The following ELL2 variants were observed in gnomAD, a reference collection of about 807,000 sequenced individuals.
ELL2 encodes the protein RNA polymerase II elongation factor ELL2.
A neutral mutation model predicts 72.8 loss-of-function variants in ELL2; 21 were observed. The observed-to-expected ratio is 0.29, with a 90% confidence interval of 0.20 to 0.42. The LOEUF (loss-of-function observed/expected upper bound fraction) is 0.42. ELL2 is among the 10% of genes least tolerant of loss of function. ELL2 has a pLI of 1.00. For synonymous variants in ELL2, 266 were observed against 283.2 expected, an observed-to-expected ratio of 0.94 and a Z score of 0.61; for missense variants, 568 against 772.8, an observed-to-expected ratio of 0.73 and a Z score of 3.14.
chr5:95,940,281 A>G (rs1215447870), intron 2 of ELL2, among the ~76,000 whole-genome samples: 1 of 152,240 alleles, frequency 6.6e-6, no homozygotes, highest in Admixed American at 6.5e-5. Context: ...GACTTTCAGA[A>G]TTTCTACTCT....
At chr5:95,906,859 T>C in intron 4 of ELL2, 77 bp from the exon 5 acceptor site, 1 of 1,378,490 alleles carries the variant, frequency 7.3e-7, no homozygotes, top group Middle Eastern at 1.9e-4. Flanking sequence ...CAATTCTGAT[T>C]TAGGTACCTC....
rs544392198 is a variant in ELL2, at chr5:95,889,196, T to A, written c.1762-66A>T. On this transcript the variant is annotated intron_variant, in intron 10 of 11. Coordinates refer to ENST00000237853, the MANE Select transcript of ELL2 (RefSeq NM_012081.6). ...TTTTGTGTGTGGCAATACAAATAGA[T>A]AACATGCATTCAGCAAGAGTATAGG... 1,783 of 1,229,240 alleles carry A rather than the reference T, an allele frequency of 1.5e-3. 2 individuals carry two copies. Among genetic ancestry groups the A allele is most frequent in the Non-Finnish European group, 2.0e-3 (1,694 of 854,844 alleles). The allele number at this position is 1,229,240 out of a possible 1,614,324, so 76.1% of individuals were successfully genotyped here.
rs200321718 is a variant in ELL2 at position 95,900,980 on chromosome 5, C to T, written c.842G>A (p.Arg281Gln). The change falls in exon 6 of 12, where the codon CGG (arginine) becomes CAG (glutamine). Residue 281 changes from arginine to glutamine, a missense_variant. This residue lies in a region of ELL2 where 511 missense variants were observed against 728.4 expected (regional missense o/e 0.70). Transcript: ENST00000237853. ...DWPGYSEIDR[R>Q]SLESVLSRKL... ...CCTAGAGAGCACTGACTCCAATGAC[C>T]GTCTGTCTATTTCACTGTATCCAGG... 9 of 1,611,138 alleles carry T rather than the reference C, an allele frequency of 5.6e-6. No homozygotes were observed. The highest frequency in any genetic ancestry group is 4.5e-5 in the East Asian group (2 of 44,830).
At chr5:95,899,898 T>A (rs1019246464) in intron 7 of ELL2, among the ~76,000 whole-genome samples, 1 of 152,194 alleles carries the variant, frequency 6.6e-6, no homozygotes, top group African/African-American at 2.4e-5. Flanking sequence ...AATAAGTTTC[T>A]AATATTTTCT....
At chr5:95,920,740 T>A (rs1363417460) in intron 2 of ELL2, among the ~76,000 whole-genome samples, 2 of 152,122 alleles carry the variant, frequency 1.3e-5, no homozygotes, top group Non-Finnish European at 2.9e-5. Flanking sequence ...TGGGTCTGCA[T>A]GGTGTTAGGT....
intron 4 of ELL2, among the ~76,000 whole-genome samples, chr5:95,907,296 A>ATATAT: frequency 3.4e-5 from 4 of 116,494 alleles, no homozygotes; most frequent in South Asian, 3.1e-4. Context: ...ATATATATAT[A>ATATAT]TTTTTTTTTT....
intron 4 of ELL2, among the ~76,000 whole-genome samples, chr5:95,907,038 C>CTA (rs1226763224): frequency 2.2e-4 from 34 of 152,040 alleles, no homozygotes; most frequent in African/African-American, 7.7e-4. Context: ...GGTCATTTTG[C>CTA]TACAGAAAGA....
At chr5:95,954,291 C>A (rs796633286) in intron 1 of ELL2, among the ~76,000 whole-genome samples, 3 of 152,266 alleles carry the variant, frequency 2.0e-5, no homozygotes, top group African/African-American at 7.2e-5. Flanking sequence ...CCCAACTCCA[C>A]TCTCCCAACT....
Position 95,889,082 on chromosome 5 carries a change from C to T in ELL2, c.1806+4G>A. ...GTCAGAAAATCAACAGTGATGATAC[C>T]TACCTGCTTTATCTTCTGATATTCT... On this transcript the variant is annotated splice_donor_region_variant and intron_variant, in intron 11 of 11. Coordinates refer to ENST00000237853, the MANE Select transcript of ELL2 (RefSeq NM_012081.6). 6.2e-7 allele frequency: 1 copy of T among 1,610,214 alleles called. No homozygotes were observed. Among genetic ancestry groups the T allele is most frequent in the Non-Finnish European group, 8.5e-7 (1 of 1,178,308 alleles).
chr5:95,942,675 G>A (rs950276382), intron 2 of ELL2, among the ~76,000 whole-genome samples: 9 of 151,988 alleles, frequency 5.9e-5, no homozygotes, highest in Admixed American at 2.6e-4. Context: ...AAATAATCCC[G>A]TATGGATGTT....
chr5:95,951,194 C>A (rs913927643), intron 1 of ELL2, among the ~76,000 whole-genome samples: 2 of 151,048 alleles, frequency 1.3e-5, no homozygotes, highest in Admixed American at 6.6e-5. Flanking sequence ...ATGGTGAAAC[C>A]CTGTTTCTAC....
intron 10 of ELL2, among the ~76,000 whole-genome samples, chr5:95,889,779 T>C (rs1748589916): frequency 6.6e-6 from 1 of 151,800 alleles, no homozygotes; most frequent in African/African-American, 2.4e-5. Flanking sequence ...TGTAGATATG[T>C]ACATACATTT....
At chr5:95,916,998 C>T (rs897710029) in intron 3 of ELL2, among the ~76,000 whole-genome samples, 6 of 152,182 alleles carry the variant, frequency 3.9e-5, no homozygotes, top group African/African-American at 1.2e-4. Flanking sequence ...CGGAGCTAAA[C>T]GCTGTAGGCA....
chr5:95,907,639 T>C (rs1749427273), intron 4 of ELL2, among the ~76,000 whole-genome samples: 1 of 152,116 alleles, frequency 6.6e-6, no homozygotes, highest in Non-Finnish European at 1.5e-5. Flanking sequence ...CCAGCAACCG[T>C]TCCTTGCTGA....
chr5:95,900,977 G>T lies in ELL2; in HGVS notation c.845C>A (p.Ser282Ter). Residue 282 changes from serine to a stop codon, truncating the protein, a stop_gained, in exon 6 of 12, where the codon TCA (serine) becomes TAA (stop). Coordinates refer to ENST00000237853, the MANE Select transcript of ELL2 (RefSeq NM_012081.6). LOFTEE classifies it high-confidence loss of function. Reference protein sequence around the residue: ...WPGYSEIDRRSLESVLSRKLN... With the variant: ...WPGYSEIDRR ...TCACCTAGAGAGCACTGACTCCAAT[G>T]ACCGTCTGTCTATTTCACTGTATCC... 1 of 1,607,776 alleles carries T rather than the reference G, an allele frequency of 6.2e-7. No homozygotes were observed. The highest frequency in any genetic ancestry group is 1.1e-5 in the South Asian group (1 of 89,264).
At chr5:95,951,241 C>T (rs1485344128) in intron 1 of ELL2, among the ~76,000 whole-genome samples, 13 of 151,706 alleles carry the variant, frequency 8.6e-5, no homozygotes, top group Admixed American at 4.6e-4. Context: ...TGGTGGTGGG[C>T]GCCTGTAGCC....
At chr5:95,922,466 A>C (rs1483348137) in intron 2 of ELL2, among the ~76,000 whole-genome samples, 1 of 152,230 alleles carries the variant, frequency 6.6e-6, no homozygotes, top group Non-Finnish European at 1.5e-5. Flanking sequence ...GTGTTCTTTT[A>C]GTGAAAACTT....
chr5:95,960,874 T>TC (rs879280065), intron 1 of ELL2, among the ~76,000 whole-genome samples: 63 of 144,376 alleles, frequency 4.4e-4, no homozygotes, highest in Admixed American at 1.7e-3. Flanking sequence ...GTGTGTCCCC[T>TC]CCCCCCCCGT....
chr5:95,904,625 T>A (rs1309547624), intron 5 of ELL2, among the ~76,000 whole-genome samples: 4 of 152,238 alleles, frequency 2.6e-5, no homozygotes, highest in Non-Finnish European at 5.9e-5. Flanking sequence ...TTATCTCTAC[T>A]GGCACAGGCA....
Sources: allele counts gnomAD v4.1 joint callset (sites outside exome capture counted in the v4.1 genomes callset), GRCh38; gene constraint gnomAD v4.1.1; regional missense constraint gnomAD v4.1.1; transcripts MANE v1.5; gene names NCBI Gene and HGNC (gene_info 2026-07-23, HGNC 2026-07-21).